The following CTBP2 variants were observed in gnomAD, a reference collection of about 807,000 sequenced individuals.
CTBP2 encodes C-terminal-binding protein 2.
CTBP2 carries 30 observed loss-of-function variants against 80.3 expected under a neutral mutation model. The ratio of observed to expected loss-of-function variants is 0.37; its 90% CI spans 0.28 to 0.51. The LOEUF is 0.51. CTBP2 is among the 20% of genes least tolerant of loss of function. The pLI is 0.93. For missense variants in CTBP2, 1,212 were observed against 1,375.3 expected (o/e 0.88, Z 1.88); for synonymous variants, 594 against 587.4 (o/e 1.01, Z -0.16).
chr10:125,134,441 C>T (rs967598307), intron 1 of CTBP2, among the ~76,000 whole-genome samples: 6 of 152,194 alleles, frequency 3.9e-5, no homozygotes, highest in Non-Finnish European at 7.4e-5. Context: ...TCAGGTCCCT[C>T]TGCTTCCTGG....
chr10:125,080,235 A>G (rs754051488), intron 2 of CTBP2, among the ~76,000 whole-genome samples: 8 of 152,198 alleles, frequency 5.3e-5, no homozygotes, highest in South Asian at 2.1e-4. Context: ...TTAGGGGAAC[A>G]GCAGTCAAAA....
At chr10:125,029,551 C>T (rs1336176834), upstream of CTBP2, among the ~76,000 whole-genome samples, 6 of 152,176 alleles carry the variant, frequency 3.9e-5, no homozygotes, top group East Asian at 1.9e-4. Flanking sequence ...TGAGCCACTG[C>T]GCCTGGCCAG....
intron 2 of CTBP2, among the ~76,000 whole-genome samples, chr10:125,071,961 A>G (rs1399708308): frequency 6.6e-6 from 1 of 152,186 alleles, no homozygotes; most frequent in East Asian, 1.9e-4. Context: ...AGAGGTCAAG[A>G]CAGGCACTTC....
At position 125,104,230 on chromosome 10, in the gene CTBP2, G is replaced by A. The variant is rs112348753; in HGVS notation, c.-102+6760C>T. On this transcript the variant is annotated intron_variant, in intron 2 of 10. Transcript: ENST00000337195. ...AGGACGGAACAGGAGGACCCTGTGC[G>A]GGCGCCATTGTTGTTCATCAGTATA... 9.0e-3 allele frequency among the ~76,000 whole-genome samples: 1,365 copies of A among 152,262 alleles called. 17 individuals carry two copies. The highest frequency in any genetic ancestry group is 0.031 in the African/African-American group (1,289 of 41,528).
intron 2 of CTBP2, among the ~76,000 whole-genome samples, chr10:125,061,571 G>A (rs1464225172): frequency 1.3e-5 from 2 of 152,152 alleles, no homozygotes; most frequent in Non-Finnish European, 2.9e-5. Flanking sequence ...GAGTGGCCTG[G>A]GACTCAGACA....
At chr10:125,016,618 C>T (rs966233510) in intron 1 of CTBP2, among the ~76,000 whole-genome samples, 4 of 152,250 alleles carry the variant, frequency 2.6e-5, no homozygotes, top group East Asian at 1.9e-4. Flanking sequence ...TCTCGTTTTT[C>T]GAGTGGTCCT....
At chr10:125,136,759 ACAG>A (rs1345699920) in intron 1 of CTBP2, among the ~76,000 whole-genome samples, 2 of 152,342 alleles carry the variant, frequency 1.3e-5, no homozygotes, top group African/African-American at 4.8e-5. Flanking sequence ...TCATCAGTTG[ACAG>A]TTACAAGACA....
intron 1 of CTBP2, among the ~76,000 whole-genome samples, chr10:125,007,494 C>T (rs186216267): frequency 9.2e-5 from 14 of 152,340 alleles, no homozygotes; most frequent in Admixed American, 6.5e-4. Flanking sequence ...AAGCAAAGTG[C>T]GTGGATCTCA....
At chr10:125,060,071 C>T (rs532687455) in intron 2 of CTBP2, among the ~76,000 whole-genome samples, 7 of 152,302 alleles carry the variant, frequency 4.6e-5, no homozygotes, top group East Asian at 1.9e-4. Flanking sequence ...TATCATATGG[C>T]GGGCAGATTC....
upstream of CTBP2, among the ~76,000 whole-genome samples, chr10:125,032,163 AC>A (rs1292365965): frequency 1.3e-5 from 2 of 152,152 alleles, no homozygotes; most frequent in Non-Finnish European, 2.9e-5. Context: ...CTCACCTTGG[AC>A]CATGTCAGGA....
chr10:125,062,089 C>T (rs73377222), intron 2 of CTBP2, among the ~76,000 whole-genome samples: 5 of 152,022 alleles, frequency 3.3e-5, no homozygotes, highest in African/African-American at 1.2e-4. Flanking sequence ...ATTGCTAAAC[C>T]GAGAGGGCCC....
intron 2 of CTBP2, among the ~76,000 whole-genome samples, chr10:125,063,268 T>C (rs1359903579): frequency 1.3e-4 from 20 of 152,212 alleles, no homozygotes; most frequent in Admixed American, 1.3e-3. Context: ...GGAAACAGCA[T>C]GGGCGAATCG....
chr10:125,156,334 C>T (rs939470774), intron 1 of CTBP2, among the ~76,000 whole-genome samples: 4 of 152,230 alleles, frequency 2.6e-5, no homozygotes, highest in African/African-American at 9.6e-5. Context: ...CAGCCCCTCT[C>T]TATGGAAATG....
At chr10:125,067,477 G>T (rs542072557) in intron 2 of CTBP2, among the ~76,000 whole-genome samples, 1 of 152,314 alleles carries the variant, frequency 6.6e-6, no homozygotes, top group Admixed American at 6.5e-5. Flanking sequence ...AGGAAACTAG[G>T]TGAGGAGATA....
chr10:125,123,152 T>C (rs1361191876), intron 1 of CTBP2, among the ~76,000 whole-genome samples: 1 of 152,204 alleles, frequency 6.6e-6, no homozygotes, highest in Non-Finnish European at 1.5e-5. Context: ...TGTCTACCCA[T>C]GTGTGTCGAC....
chr10:125,049,027 A>G (rs1231707408), intron 2 of CTBP2, among the ~76,000 whole-genome samples: 3 of 147,276 alleles, frequency 2.0e-5, no homozygotes, highest in Admixed American at 6.8e-5. Context: ...TCTGGCCTCA[A>G]TTTGCCCGCC....
At chr10:125,081,479 A>G (rs1022254605) in intron 2 of CTBP2, among the ~76,000 whole-genome samples, 3 of 152,216 alleles carry the variant, frequency 2.0e-5, no homozygotes, top group African/African-American at 7.2e-5. Context: ...TTAGCCTTAT[A>G]TATTTGCAAA....
At chr10:125,071,209 A>G (rs1281688867) in intron 2 of CTBP2, among the ~76,000 whole-genome samples, 2 of 152,248 alleles carry the variant, frequency 1.3e-5, no homozygotes, top group African/African-American at 4.8e-5. Flanking sequence ...AGCGAGGGGC[A>G]GGCTCCCTGC....
intron 1 of CTBP2, among the ~76,000 whole-genome samples, chr10:125,152,145 G>GGCCTCC (rs1358801426): frequency 6.6e-6 from 1 of 152,054 alleles, no homozygotes; most frequent in Admixed American, 6.5e-5. Flanking sequence ...GCGGGGGCGG[G>GGCCTCC]GCCTCCAGGT....
Sources: gnomAD v4.1 joint callset for allele counts (sites outside exome capture counted in the v4.1 genomes callset) on GRCh38, gnomAD v4.1.1 for gene constraint, MANE v1.5 for transcripts, NCBI Gene and HGNC (gene_info 2026-07-23, HGNC 2026-07-21) for gene names.